Variants in HSD11B1 observed in about 807,000 individuals in gnomAD.
HSD11B1 encodes 11-beta-hydroxysteroid dehydrogenase 1.
In HSD11B1, 15 loss-of-function variants were observed where a neutral mutation model predicts 22.1. The observed-to-expected ratio is 0.68, with a 90% CI of 0.45 to 1.04. The LOEUF is 1.04. HSD11B1 is among the 50% of genes least tolerant of loss of function. The pLI, the probability that HSD11B1 is intolerant of heterozygous loss-of-function variation, is 0.00. For synonymous variants in HSD11B1, 122 were observed against 125.2 expected (o/e 0.97, Z 0.17); for missense variants, 281 against 357.6 (o/e 0.79, Z 1.73).
Position 209,705,957 on chromosome 1 carries a change from T to C in HSD11B1, c.219+16T>C, listed in dbSNP as rs747498226. The C allele has an allele frequency of 3.7e-6, 6 of 1,613,672 alleles. No individual in the cohort carries two copies. The highest frequency in any genetic ancestry group is 4.2e-6 in the Non-Finnish European group (5 of 1,179,680). Reference sequence around the variant, plus strand: ...TCTACAGAAGGTGAGGGTTCTATGCTCGCAGATATGTGTACCGTCACATGC... The same window carrying C: ...TCTACAGAAGGTGAGGGTTCTATGCCCGCAGATATGTGTACCGTCACATGC... On this transcript the variant is annotated intron_variant, in intron 2 of 5. Transcript: ENST00000367027.
intron 4 of HSD11B1, among the ~76,000 whole-genome samples, chr1:209,714,236 A>C (rs1487821464): frequency 2.0e-5 from 3 of 152,262 alleles, no homozygotes; most frequent in Non-Finnish European, 4.4e-5. Context: ...AAGTAGCAAC[A>C]AACATAAAAC....
chr1:209,702,914 A>T (rs1322603477), upstream of HSD11B1, among the ~76,000 whole-genome samples: 1 of 152,222 alleles, frequency 6.6e-6, no homozygotes, highest in African/African-American at 2.4e-5. Context: ...AACTCACTTT[A>T]TTGGATGCTT....
chr1:209,703,344 G>C (rs1219081125), upstream of HSD11B1, among the ~76,000 whole-genome samples: 2 of 152,048 alleles, frequency 1.3e-5, no homozygotes, highest in East Asian at 1.9e-4. Context: ...TTCCCTCTAG[G>C]GATGAAAATG....
chr1:209,714,738 A>G (rs2076919843), intron 4 of HSD11B1, among the ~76,000 whole-genome samples: 1 of 152,206 alleles, frequency 6.6e-6, no homozygotes, highest in Non-Finnish European at 1.5e-5. Flanking sequence ...AGCCACTCAT[A>G]GAGGCCAAGC....
At chr1:209,715,513 T>C (rs2076924582) in intron 4 of HSD11B1, among the ~76,000 whole-genome samples, 2 of 152,120 alleles carry the variant, frequency 1.3e-5, no homozygotes, top group South Asian at 4.1e-4. Flanking sequence ...GAAAATCTTG[T>C]TCTGCCAGTA....
At chr1:209,728,922 G>T (rs534707892) in intron 4 of HSD11B1, among the ~76,000 whole-genome samples, 1 of 152,280 alleles carries the variant, frequency 6.6e-6, no homozygotes, top group East Asian at 1.9e-4. Flanking sequence ...GGATAAAATA[G>T]ATTACATAAG....
In HSD11B1 at chr1:209,692,948, A is replaced by G. The variant is rs1169879941; in HGVS notation, c.-49+6663A>G. On this transcript the variant is annotated intron_variant, in intron 1 of 6. Transcript: ENST00000261465. ...GTTTACATGTATTTTATGTGTGTGTAACTATTTCTGTATATTTAAGTCTCT... is the reference window on the plus strand; with the variant it reads ...GTTTACATGTATTTTATGTGTGTGTGACTATTTCTGTATATTTAAGTCTCT... Among the ~76,000 whole-genome samples, 2 of 152,146 alleles carry G rather than the reference A, an allele frequency of 1.3e-5. 1 individual carries two copies. The highest frequency in any genetic ancestry group is 1.3e-4 in the Admixed American group (2 of 15,276).
At chr1:209,698,027 G>A (rs2076802462) in intron 1 of HSD11B1, among the ~76,000 whole-genome samples, 1 of 150,054 alleles carries the variant, frequency 6.7e-6, no homozygotes, top group South Asian at 2.1e-4. Context: ...ACCAAACCTG[G>A]CTTGAATCAT....
At position 209,706,662 on chromosome 1, in the gene HSD11B1, A is replaced by G. The variant is rs748344337; in HGVS notation, c.220-47A>G. 11 of 1,353,330 alleles carry G rather than the reference A, an allele frequency of 8.1e-6. No homozygotes were observed. In the Middle Eastern group the frequency reaches 1.9e-3, roughly 234 times the overall value. The allele number at this position is 1,353,330 out of a possible 1,614,324, so 83.8% of individuals were successfully genotyped here. A position where few individuals can be genotyped will look rare whatever the true frequency, so the allele number is the denominator to read the frequency against. ...CCCGTTACTTCAGAGACTACCCCCCAAAAATCTGCAGCTAAGACTGATGCC... is the reference window on the plus strand; with the variant it reads ...CCCGTTACTTCAGAGACTACCCCCCGAAAATCTGCAGCTAAGACTGATGCC... On this transcript the variant is annotated intron_variant, in intron 2 of 5. Coordinates refer to ENST00000367027, the MANE Select transcript of HSD11B1 (RefSeq NM_005525.4). The surrounding 1 kb of genome is among the most constrained non-coding windows in gnomAD (Gnocchi z 4.0).
At chr1:209,722,474 A>T (rs546336871) in intron 4 of HSD11B1, among the ~76,000 whole-genome samples, 1 of 152,092 alleles carries the variant, frequency 6.6e-6, no homozygotes, top group South Asian at 2.1e-4. Flanking sequence ...TTCACTCAAC[A>T]CACTTTCCCT....
intron 1 of HSD11B1, among the ~76,000 whole-genome samples, chr1:209,689,627 C>T (rs987474664): frequency 6.6e-6 from 1 of 152,130 alleles, no homozygotes; most frequent in African/African-American, 2.4e-5. Context: ...TGAGTTCCTG[C>T]AAGAACTGGT....
intron 4 of HSD11B1, among the ~76,000 whole-genome samples, chr1:209,714,064 A>G (rs981287292): frequency 1.3e-5 from 2 of 152,172 alleles, no homozygotes; most frequent in African/African-American, 2.4e-5. Context: ...ATGAAGGTCA[A>G]CTCTGAGTCA....
chr1:209,732,649 G>C, intron 5 of HSD11B1, 70 bp downstream of exon 5: 1 of 1,355,238 alleles, frequency 7.4e-7, no homozygotes. Flanking sequence ...TGCAGAACAT[G>C]CAGGTTTGTT....
intron 4 of HSD11B1, among the ~76,000 whole-genome samples, chr1:209,710,044 C>T (rs951097864): frequency 2.6e-5 from 4 of 152,018 alleles, no homozygotes; most frequent in African/African-American, 9.7e-5. Context: ...GCAGTGCGTG[C>T]AGGGGACAGT....
intron 4 of HSD11B1, among the ~76,000 whole-genome samples, chr1:209,713,895 C>CTATATTGAT (rs2076913927): frequency 6.6e-6 from 1 of 152,152 alleles, no homozygotes; most frequent in African/African-American, 2.4e-5. Flanking sequence ...AGAGGGCTGC[C>CTATATTGAT]TATATTGATT....
At chr1:209,712,562 A>G (rs533298796) in intron 4 of HSD11B1, among the ~76,000 whole-genome samples, 26 of 152,332 alleles carry the variant, frequency 1.7e-4, no homozygotes, top group African/African-American at 6.0e-4. Flanking sequence ...TTGAGTATCT[A>G]TGGATTTGGG....
chr1:209,694,948 T>C (rs1441377146), intron 1 of HSD11B1, among the ~76,000 whole-genome samples: 1 of 152,160 alleles, frequency 6.6e-6, no homozygotes, highest in Non-Finnish European at 1.5e-5. Flanking sequence ...CCCATCCAAA[T>C]CTCATCTCAA....
intron 4 of HSD11B1, among the ~76,000 whole-genome samples, chr1:209,718,058 G>T (rs1160581413): frequency 1.3e-5 from 2 of 152,144 alleles, no homozygotes; most frequent in African/African-American, 4.8e-5. Flanking sequence ...CATGAAGGTA[G>T]AGAGTAGAAT....
At chr1:209,700,837 C>T (rs949849409), upstream of HSD11B1, among the ~76,000 whole-genome samples, 1 of 152,176 alleles carries the variant, frequency 6.6e-6, no homozygotes, top group Non-Finnish European at 1.5e-5. Context: ...CAAAGTTCCA[C>T]AAATCTCTAG....
Sources: allele counts gnomAD v4.1 joint callset (sites outside exome capture counted in the v4.1 genomes callset), GRCh38; gene constraint gnomAD v4.1.1; non-coding constraint Gnocchi (gnomAD v3.1); transcripts MANE v1.5; gene names NCBI Gene and HGNC (gene_info 2026-07-23, HGNC 2026-07-21).